Variants in ZNF346 observed in about 807,000 individuals in gnomAD.
The protein encoded by ZNF346 is zinc finger protein 346.
ZNF346 carries 23 observed loss-of-function variants against 33.7 expected under a neutral mutation model. The ratio of observed to expected loss-of-function variants is 0.68; its 90% confidence interval spans 0.49 to 0.97. The LOEUF (loss-of-function observed/expected upper bound fraction) is 0.97, where lower values mean the gene tolerates loss of function less well. Among genes scored for constraint, ZNF346 ranks in the 50% least tolerant of loss-of-function variants. The pLI, the probability that ZNF346 is intolerant of heterozygous loss-of-function variation, is 0.00. For synonymous variants in ZNF346, 134 were observed against 142.4 expected (o/e 0.94, Z 0.42); for missense variants, 340 against 371.1 (o/e 0.92, Z 0.69).
chr5:177,067,582 C>G lies in ZNF346; in HGVS notation c.*2983C>G, dbSNP rs1461303236. On this transcript the variant is annotated 3_prime_UTR_variant, in exon 7 of 7. Transcript: ENST00000358149. The stretch of plus-strand genomic sequence containing the variant: ...ACCGTGAGCCTCCGGCCTGCAAGAC[C>G]ACTTTGTAGTCCCTACCAGCTGTGT... Among the ~76,000 whole-genome samples, 1 of 152,222 alleles carries G rather than the reference C, an allele frequency of 6.6e-6. No homozygotes were observed. Among genetic ancestry groups the G allele is most frequent in the Non-Finnish European group, 1.5e-5 (1 of 68,038 alleles).
Position 177,022,898 on chromosome 5 carries a change from G to A in ZNF346, c.160G>A (p.Val54Met). The A allele has an allele frequency of 6.7e-7, 1 of 1,495,828 alleles. No individual in the cohort carries two copies. The highest frequency in any genetic ancestry group is 8.9e-7 in the Non-Finnish European group (1 of 1,121,558). 92.7% of individuals were successfully genotyped at this position (1,495,828 alleles called of 1,614,324 possible). The change falls in exon 1 of 7, where the codon GTG becomes ATG. Residue 54 changes from valine to methionine, a missense_variant. Val to Met is a conservative substitution (Grantham distance 21). Coordinates refer to ENST00000358149, the MANE Select transcript of ZNF346 (RefSeq NM_012279.4). ...LWEAVSGAQP[V>M]GREEVEHMIQ... is the part of the protein sequence containing the mutation. ...GGAAGCCGTGTCCGGTGCCCAGCCGGTGGGTAGAGAGGAAGGTGAGTCGGG... is the reference window on the plus strand; with the variant it reads ...GGAAGCCGTGTCCGGTGCCCAGCCGATGGGTAGAGAGGAAGGTGAGTCGGG...
chr5:177,057,552 C>T (rs1781864631), intron 5 of ZNF346, among the ~76,000 whole-genome samples: 1 of 151,846 alleles, frequency 6.6e-6, no homozygotes, highest in South Asian at 2.1e-4. Context: ...GCCTGGTCAA[C>T]ATGCAAAACC....
intron 3 of ZNF346, among the ~76,000 whole-genome samples, chr5:177,043,194 T>G (rs1779590307): frequency 6.6e-6 from 1 of 151,988 alleles, no homozygotes; most frequent in Admixed American, 6.6e-5. Context: ...AGACAGGGTC[T>G]CGCTTTGTTG....
At chr5:177,039,733 C>T (rs1384845755) in intron 1 of ZNF346, among the ~76,000 whole-genome samples, 4 of 152,188 alleles carry the variant, frequency 2.6e-5, no homozygotes, top group South Asian at 2.1e-4. Flanking sequence ...CCACCTCAGC[C>T]TCCCAAAATG....
At chr5:177,023,102 A>AG in intron 1 of ZNF346, 189 bp downstream of exon 1, 12 of 1,459,846 alleles carry the variant, frequency 8.2e-6, no homozygotes, top group Non-Finnish European at 1.1e-5. Flanking sequence ...CTGAGGGTGA[A>AG]GGGCCGCTCA....
At chr5:177,058,645 T>C (rs988363466) in intron 5 of ZNF346, among the ~76,000 whole-genome samples, 2 of 152,216 alleles carry the variant, frequency 1.3e-5, no homozygotes, top group African/African-American at 4.8e-5. Flanking sequence ...TTCAAGCTTA[T>C]ACAGCTGATA....
intron 8 of ZNF346, among the ~76,000 whole-genome samples, chr5:177,073,775 C>T (rs1783612014): frequency 7.1e-6 from 1 of 140,494 alleles, no homozygotes; most frequent in Non-Finnish European, 1.5e-5. Context: ...GTGCCTGTGT[C>T]CTTTTGCAAT....
rs1782629656 is a variant in ZNF346, at chr5:177,062,169, G to T, written c.797+18G>T. 6.2e-7 allele frequency: 1 copy of T among 1,607,826 alleles called. No homozygotes were observed. The highest frequency in any genetic ancestry group is 8.5e-7 in the Non-Finnish European group (1 of 1,174,640). ...AAGAACCAGTAAGTAACCATTTTTT[G>T]AAATTCTAGGATCCATAGCAGGAGC... is the stretch of plus-strand genomic sequence containing the variant. On this transcript the variant is annotated intron_variant, in intron 6 of 6. Coordinates refer to ENST00000358149, the MANE Select transcript of ZNF346 (RefSeq NM_012279.4).
chr5:177,026,824 T>C (rs1215626098), intron 1 of ZNF346, among the ~76,000 whole-genome samples: 1 of 152,190 alleles, frequency 6.6e-6, no homozygotes, highest in Non-Finnish European at 1.5e-5. Flanking sequence ...TCTCATTGAT[T>C]TACAGAAATA....
intron 1 of ZNF346, among the ~76,000 whole-genome samples, chr5:177,030,349 G>A (rs1028333602): frequency 1.3e-5 from 2 of 151,982 alleles, no homozygotes; most frequent in East Asian, 2.0e-4. Context: ...GGCTGGGGGC[G>A]GTGGCTCACG....
intron 1 of ZNF346, among the ~76,000 whole-genome samples, chr5:177,028,735 T>A (rs56699793): frequency 0.13 from 13,316 of 105,510 alleles, 2,166 homozygotes; most frequent in African/African-American, 0.4. Context: ...TTTTTTTTTT[T>A]ATGAGATGGA....
intron 4 of ZNF346, among the ~76,000 whole-genome samples, chr5:177,050,333 G>A (rs542314680): frequency 2.6e-5 from 4 of 152,244 alleles, no homozygotes; most frequent in Admixed American, 1.3e-4. Flanking sequence ...CCCAAACTTC[G>A]TGTCCCACTT....
In ZNF346 at chr5:177,037,423, C is replaced by CTA. The variant is rs1000153445; in HGVS notation, c.176-3697_176-3696dup. On this transcript the variant is annotated intron_variant, in intron 1 of 6. Coordinates refer to ENST00000358149, the MANE Select transcript of ZNF346 (RefSeq NM_012279.4). ...ATCTGAATCTCCAACTCATCTCCAC[C>CTA]TATATATCTGATAGACTACTCACAC... 3.0e-4 allele frequency among the ~76,000 whole-genome samples: 46 copies of CTA among 152,286 alleles called. 1 individual carries two copies. Among genetic ancestry groups the CTA allele is most frequent in the African/African-American group, 1.1e-3 (45 of 41,554 alleles).
chr5:177,080,552 C>T (rs1357373766), exon 9 of ZNF346: 1 of 152,208 alleles, frequency 6.6e-6, no homozygotes, highest in Non-Finnish European at 1.5e-5. Flanking sequence ...TGGCTCACAC[C>T]TATAATCCCA....
At chr5:177,068,527 T>TA (rs1783344053), downstream of ZNF346, among the ~76,000 whole-genome samples, 1 of 143,992 alleles carries the variant, frequency 6.9e-6, no homozygotes, top group Non-Finnish European at 1.5e-5. Context: ...TCTATCCTGA[T>TA]ACGTTAGTAA....
At chr5:177,060,815 A>T (rs1008902905) in intron 5 of ZNF346, among the ~76,000 whole-genome samples, 3 of 125,528 alleles carry the variant, frequency 2.4e-5, no homozygotes, top group African/African-American at 1.1e-4. Context: ...TCTCTAAATA[A>T]ATAAATAAGT....
intron 5 of ZNF346, among the ~76,000 whole-genome samples, chr5:177,058,479 T>A (rs577045684): frequency 6.6e-6 from 1 of 151,910 alleles, no homozygotes; most frequent in African/African-American, 2.4e-5. Flanking sequence ...CTCAATAAAA[T>A]AAAATAAAAT....
intron 1 of ZNF346, among the ~76,000 whole-genome samples, chr5:177,037,481 A>G (rs1429683300): frequency 6.6e-6 from 1 of 152,188 alleles, no homozygotes. Flanking sequence ...TTTTTCCTCC[A>G]AGGCTATCTT....
chr5:177,030,530 A>G (rs1038538299), intron 1 of ZNF346, among the ~76,000 whole-genome samples: 2 of 151,342 alleles, frequency 1.3e-5, no homozygotes, highest in Non-Finnish European at 2.9e-5. Context: ...GATGGTCTCG[A>G]TTTCCTGACC....
Sources: gnomAD v4.1 joint callset for allele counts (sites outside exome capture counted in the v4.1 genomes callset) on GRCh38, gnomAD v4.1.1 for gene constraint, MANE v1.5 for transcripts, NCBI Gene and HGNC (gene_info 2026-07-23, HGNC 2026-07-21) for gene names.